PCDH9: variants seen among roughly 807,000 people sequenced by gnomAD.
PCDH9 encodes protocadherin-9.
A neutral mutation model predicts 70.6 loss-of-function variants in PCDH9; 24 were observed. That is an observed-to-expected ratio of 0.34 (90% CI 0.25 to 0.48). PCDH9 has a LOEUF of 0.48. PCDH9 is among the 20% of genes least tolerant of loss of function. The pLI, the probability that PCDH9 is intolerant of heterozygous loss-of-function variation, is 0.99. For missense variants in PCDH9, 1,281 were observed against 1,503.6 expected (o/e 0.85, Z 2.45); for synonymous variants, 562 against 558.5 (o/e 1.01, Z -0.09).
chr13:66,443,015 C>G (rs1958004650), intron 4 of PCDH9, among the ~76,000 whole-genome samples: 1 of 152,180 alleles, frequency 6.6e-6, no homozygotes, highest in African/African-American at 2.4e-5. Flanking sequence ...GCCAAAAATA[C>G]ATGGCACAAG....
At chr13:66,738,768 G>T (rs979824243) in intron 3 of PCDH9, among the ~76,000 whole-genome samples, 5 of 151,980 alleles carry the variant, frequency 3.3e-5, no homozygotes, top group African/African-American at 1.2e-4. Flanking sequence ...TGAATGAAAT[G>T]AAGCGAGAAG....
At chr13:66,821,475 T>C (rs905933816) in intron 3 of PCDH9, among the ~76,000 whole-genome samples, 2 of 152,162 alleles carry the variant, frequency 1.3e-5, no homozygotes, top group African/African-American at 2.4e-5. Flanking sequence ...AGAGTCATAC[T>C]TCACTAGCAA....
intron 2 of PCDH9, among the ~76,000 whole-genome samples, chr13:67,184,253 C>T (rs1369049640): frequency 1.3e-5 from 2 of 152,142 alleles, no homozygotes; most frequent in East Asian, 1.9e-4. Context: ...TTAAGGCATA[C>T]AGCTTGTTTA....
chr13:66,840,078 C>G (rs2081090096), intron 3 of PCDH9, among the ~76,000 whole-genome samples: 1 of 152,102 alleles, frequency 6.6e-6, no homozygotes, highest in South Asian at 2.1e-4. Flanking sequence ...ATTCCCTTAG[C>G]CCTTGTGGTG....
At chr13:66,380,666 C>A (rs1455124204) in intron 4 of PCDH9, among the ~76,000 whole-genome samples, 1 of 151,254 alleles carries the variant, frequency 6.6e-6, no homozygotes, top group Admixed American at 6.6e-5. Context: ...GCCTCAGCCT[C>A]CTGAGTAACT....
chr13:67,012,529 A>G (rs1032780288), intron 2 of PCDH9, among the ~76,000 whole-genome samples: 6 of 152,010 alleles, frequency 3.9e-5, no homozygotes, highest in Admixed American at 1.3e-4. Context: ...TTCCTGATGA[A>G]TGAACACTGA....
At chr13:66,312,992 T>C (rs1955589818) in intron 4 of PCDH9, among the ~76,000 whole-genome samples, 1 of 152,208 alleles carries the variant, frequency 6.6e-6, no homozygotes, top group African/African-American at 2.4e-5. Flanking sequence ...GAACAGACTT[T>C]ATGGCTCACT....
At chr13:66,987,951 T>C (rs1183017356) in intron 2 of PCDH9, among the ~76,000 whole-genome samples, 1 of 151,938 alleles carries the variant, frequency 6.6e-6, no homozygotes, top group Non-Finnish European at 1.5e-5. Context: ...CAGGCTGGAG[T>C]GCAGTGCTAG....
At chr13:67,012,835 A>G (rs1047493313) in intron 2 of PCDH9, among the ~76,000 whole-genome samples, 2 of 152,028 alleles carry the variant, frequency 1.3e-5, no homozygotes, top group African/African-American at 4.8e-5. Context: ...AAGTGTTACT[A>G]TATTATAAAA....
At chr13:66,400,723 A>C (rs1957170634) in intron 4 of PCDH9, among the ~76,000 whole-genome samples, 1 of 152,228 alleles carries the variant, frequency 6.6e-6, no homozygotes, top group Non-Finnish European at 1.5e-5. Flanking sequence ...GTCTCAAGAA[A>C]ATTTGAGTGG....
intron 2 of PCDH9, among the ~76,000 whole-genome samples, chr13:66,921,721 T>C (rs1234656844): frequency 1.3e-5 from 2 of 151,364 alleles, no homozygotes; most frequent in Admixed American, 6.6e-5. Flanking sequence ...GGACCACGTA[T>C]ACAAAAAGTA....
chr13:66,453,814 T>C (rs1020771332), intron 4 of PCDH9, among the ~76,000 whole-genome samples: 1 of 152,136 alleles, frequency 6.6e-6, no homozygotes, highest in Non-Finnish European at 1.5e-5. Flanking sequence ...CTATTACCAA[T>C]GAGATATGCA....
At chr13:66,880,726 T>C (rs2081907359) in intron 3 of PCDH9, among the ~76,000 whole-genome samples, 1 of 152,200 alleles carries the variant, frequency 6.6e-6, no homozygotes, top group Non-Finnish European at 1.5e-5. Flanking sequence ...TAACTCACAG[T>C]GTATTTCATT....
At chr13:66,559,817 A>AAAAAAT (rs71677008) in intron 4 of PCDH9, among the ~76,000 whole-genome samples, 84 of 93,098 alleles carry the variant, frequency 9.0e-4, no homozygotes, top group Non-Finnish European at 1.2e-3. Flanking sequence ...AAAAAAAAAA[A>AAAAAAT]ATATATATAT....
Position 67,227,189 on chromosome 13 carries a change from G to C in PCDH9, c.1252C>G (p.Gln418Glu), listed in dbSNP as rs374449603. The C allele has an allele frequency of 5.6e-6, 9 of 1,612,752 alleles. No individual in the cohort carries two copies. The highest frequency in any genetic ancestry group is 7.6e-6 in the Non-Finnish European group (9 of 1,178,912). Residue 418 changes from glutamine (Q) to glutamate (E), a missense_variant, in exon 2 of 5, where the codon CAA (glutamine) becomes GAA (glutamate). Gln to Glu is a conservative substitution (Grantham distance 29, BLOSUM62 2). Around this residue, in one of 4 missense-constraint regions of PCDH9, gnomAD observed 798 missense variants for 1,003.1 expected, o/e 0.80. Transcript: ENST00000377865. The surrounding 1 kb of genome is among the most constrained non-coding windows in gnomAD (Gnocchi z 4.6). Reference sequence around the variant, plus strand: ...AAAGAAGAGGTCTCTAACAAATATTGGTTGTCATATACCGCCTTCAAATGA... The same window carrying C: ...AAAGAAGAGGTCTCTAACAAATATTCGTTGTCATATACCGCCTTCAAATGA... ...PFHLKAVYDNQYLLETSSLLD... is the reference protein window; with the variant it reads ...PFHLKAVYDNEYLLETSSLLD...
At chr13:66,625,192 T>G (rs906075903) in intron 4 of PCDH9, among the ~76,000 whole-genome samples, 1 of 152,176 alleles carries the variant, frequency 6.6e-6, no homozygotes, top group Non-Finnish European at 1.5e-5. Flanking sequence ...AACAATAATT[T>G]TAAAATATCA....
intron 3 of PCDH9, among the ~76,000 whole-genome samples, chr13:66,764,979 T>G (rs546864317): frequency 6.6e-6 from 1 of 152,130 alleles, no homozygotes; most frequent in South Asian, 2.1e-4. Context: ...TCTGTCTCTC[T>G]GTCAGTCTCT....
chr13:66,560,682 T>C (rs372648056), intron 4 of PCDH9, among the ~76,000 whole-genome samples: 7 of 152,306 alleles, frequency 4.6e-5, no homozygotes, highest in African/African-American at 1.7e-4. Flanking sequence ...TTCAAAATAC[T>C]CTTGGATTGG....
chr13:66,351,343 G>C (rs552222703), intron 4 of PCDH9, among the ~76,000 whole-genome samples: 4 of 152,024 alleles, frequency 2.6e-5, no homozygotes, highest in African/African-American at 9.7e-5. Context: ...CTTTCATGCC[G>C]GAAGTCTCCT....
Sources: gnomAD v4.1 joint callset for allele counts (sites outside exome capture counted in the v4.1 genomes callset) on GRCh38, gnomAD v4.1.1 for gene constraint, gnomAD v4.1.1 regional missense constraint, Gnocchi (gnomAD v3.1) non-coding constraint, MANE v1.5 for transcripts, NCBI Gene and HGNC (gene_info 2026-07-23, HGNC 2026-07-21) for gene names.